The following PCDH7 variants were observed in gnomAD, a reference collection of about 807,000 sequenced individuals.
PCDH7 encodes the protein protocadherin-7.
PCDH7 carries 17 observed loss-of-function variants against 58.9 expected under a neutral mutation model. The ratio of observed to expected loss-of-function variants is 0.29; its 90% CI spans 0.20 to 0.43. The LOEUF is 0.43. PCDH7 is among the 20% of genes least tolerant of loss of function. The pLI is 1.00. For missense variants in PCDH7, 1,274 were observed against 1,441.0 expected (o/e 0.88, Z 1.88); for synonymous variants, 664 against 616.4 (o/e 1.08, Z -1.14).
intron 1 of PCDH7, among the ~76,000 whole-genome samples, chr4:30,839,109 T>C (rs1315681682): frequency 6.6e-6 from 1 of 151,772 alleles, no homozygotes; most frequent in African/African-American, 2.4e-5. Context: ...TATATCTATG[T>C]TATATGTAGT....
chr4:30,874,566 G>A (rs1044617595), intron 1 of PCDH7, among the ~76,000 whole-genome samples: 2 of 151,732 alleles, frequency 1.3e-5, no homozygotes, highest in African/African-American at 2.4e-5. Flanking sequence ...GGGAGGGATA[G>A]CCTTAGGAGA....
chr4:30,875,531 C>T (rs73214918), intron 1 of PCDH7, among the ~76,000 whole-genome samples: 13,541 of 152,012 alleles, frequency 0.089, 762 homozygotes, highest in Non-Finnish European at 0.12. Flanking sequence ...TTACGTAGTC[C>T]GTTTGTGTCA....
At chr4:30,784,733 C>A (rs2109292753) in intron 1 of PCDH7, among the ~76,000 whole-genome samples, 1 of 151,632 alleles carries the variant, frequency 6.6e-6, no homozygotes, top group African/African-American at 2.4e-5. Context: ...GAAGAATTAA[C>A]AAGAGAAGCT....
intron 1 of PCDH7, among the ~76,000 whole-genome samples, chr4:30,901,421 G>A (rs970194131): frequency 6.6e-6 from 1 of 152,038 alleles, no homozygotes; most frequent in Non-Finnish European, 1.5e-5. Context: ...TTTATTTTAG[G>A]GCCAGAGTAG....
At chr4:30,803,353 A>G (rs1725773122) in intron 1 of PCDH7, among the ~76,000 whole-genome samples, 1 of 152,240 alleles carries the variant, frequency 6.6e-6, no homozygotes. Context: ...CATCAAAGTC[A>G]TTGAGAATGG....
chr4:30,850,659 T>C (rs1193924969), intron 1 of PCDH7, among the ~76,000 whole-genome samples: 3 of 152,112 alleles, frequency 2.0e-5, no homozygotes, highest in Non-Finnish European at 4.4e-5. Flanking sequence ...GGTGTCCATA[T>C]TTGAGGCATG....
At position 30,908,835 on chromosome 4, in the gene PCDH7, G is replaced by A. The variant is rs559186176; in HGVS notation, c.71-11318G>A. Among the ~76,000 whole-genome samples the A allele has an allele frequency of 3.7e-4, 56 of 152,212 alleles. 2 individuals are homozygous for A. The South Asian group carries it at 8.7e-3, about 24-fold the overall frequency. On this transcript the variant is annotated intron_variant, in intron 1 of 3. Transcript: ENST00000509759. ...GCCTCCTCCCTAACTCATTTTGTGA[G>A]GCCAGCATCATCCTGATACCAAAAG...
rs148874676 is a variant in PCDH7, at chr4:31,119,040, T to A, written c.*8-23433T>A. 7.7e-3 allele frequency among the ~76,000 whole-genome samples: 1,170 copies of A among 152,206 alleles called. 18 individuals are homozygous for A. The highest frequency in any genetic ancestry group is 0.027 in the African/African-American group (1,105 of 41,536). ...TCAAACTACATTTTTTTTTTCCTAATGCAGTTTTTCTTTCTTGCTAAGACC... is the reference window on the plus strand; with the variant it reads ...TCAAACTACATTTTTTTTTTCCTAAAGCAGTTTTTCTTTCTTGCTAAGACC... On this transcript the variant is annotated intron_variant, in intron 3 of 3. Transcript: ENST00000509759.
At chr4:31,101,042 GA>G (rs530118306) in intron 3 of PCDH7, among the ~76,000 whole-genome samples, 3 of 151,534 alleles carry the variant, frequency 2.0e-5, no homozygotes, top group African/African-American at 4.8e-5. Context: ...CACAGGAGAG[GA>G]AAAAAAATGT....
intron 3 of PCDH7, among the ~76,000 whole-genome samples, chr4:31,125,241 A>G (rs1013214013): frequency 6.6e-6 from 1 of 152,200 alleles, no homozygotes; most frequent in African/African-American, 2.4e-5. Context: ...GTTGGACACC[A>G]ACAGTCACAT....
chr4:30,892,133 A>C (rs758405914), intron 1 of PCDH7, among the ~76,000 whole-genome samples: 8 of 152,092 alleles, frequency 5.3e-5, no homozygotes, highest in Non-Finnish European at 1.2e-4. Context: ...AGTAAATCAG[A>C]AGGATGCATT....
intron 2 of PCDH7, among the ~76,000 whole-genome samples, chr4:30,946,727 T>TGTGTGTGTGTGTGTGTGTGTGTGTGA (rs1048658000): frequency 1.3e-5 from 2 of 149,986 alleles, no homozygotes; most frequent in African/African-American, 5.0e-5. Flanking sequence ...TGTGTGTGTG[T>TGTGTGTGTGTGTGTGTGTGTGTGTGA]GACAGAGTCC....
rs114826637 is a variant in PCDH7, at chr4:30,900,389, A to G, written c.71-19764A>G. ...AGGAAGAATAGGTGGAGTGCTTGTG[A>G]TTTAAGGAGTTGAATCTCCTCCCTC... On this transcript the variant is annotated intron_variant, in intron 1 of 3. Coordinates refer to the PCDH7 transcript ENST00000509759. 9.1e-3 allele frequency among the ~76,000 whole-genome samples: 1,390 copies of G among 152,272 alleles called. 26 individuals carry two copies. The highest frequency in any genetic ancestry group is 0.032 in the African/African-American group (1,333 of 41,528).
chr4:30,738,851 A>T (rs990714102), intron 1 of PCDH7, among the ~76,000 whole-genome samples: 5 of 152,038 alleles, frequency 3.3e-5, no homozygotes, highest in Non-Finnish European at 5.9e-5. Flanking sequence ...ATTTTCATGC[A>T]CAGTGGCATA....
At chr4:30,961,921 T>C (rs1244010952) in intron 3 of PCDH7, among the ~76,000 whole-genome samples, 1 of 152,222 alleles carries the variant, frequency 6.6e-6, no homozygotes, top group Non-Finnish European at 1.5e-5. Flanking sequence ...TTTGTCTCAA[T>C]AACTTCCAAG....
At chr4:30,835,156 A>G (rs190546062) in intron 1 of PCDH7, among the ~76,000 whole-genome samples, 58 of 152,158 alleles carry the variant, frequency 3.8e-4, no homozygotes, top group African/African-American at 1.3e-3. Flanking sequence ...TAATAATTGT[A>G]TTAGTAAGAA....
At chr4:30,783,568 A>T (rs1002432505) in intron 1 of PCDH7, among the ~76,000 whole-genome samples, 2 of 152,216 alleles carry the variant, frequency 1.3e-5, no homozygotes, top group Non-Finnish European at 2.9e-5. Flanking sequence ...AAAAACAGAC[A>T]TCTGTTTCTT....
At chr4:30,858,968 G>A (rs2109352610) in intron 1 of PCDH7, among the ~76,000 whole-genome samples, 2 of 152,288 alleles carry the variant, frequency 1.3e-5, no homozygotes, top group South Asian at 4.1e-4. Flanking sequence ...TTGACGGATT[G>A]TGGCCACACA....
At chr4:30,898,793 G>A (rs1287427181) in intron 1 of PCDH7, among the ~76,000 whole-genome samples, 1 of 152,110 alleles carries the variant, frequency 6.6e-6, no homozygotes, top group Non-Finnish European at 1.5e-5. Context: ...GGGTTTCACT[G>A]TGTTAGCCAG....
Sources: gnomAD v4.1 joint callset for allele counts (sites outside exome capture counted in the v4.1 genomes callset) on GRCh38, gnomAD v4.1.1 for gene constraint, MANE v1.5 for transcripts, NCBI Gene and HGNC (gene_info 2026-07-23, HGNC 2026-07-21) for gene names.